ZCWPW2: variants seen among roughly 807,000 people sequenced by gnomAD.
ZCWPW2 encodes the protein zinc finger CW-type PWWP domain protein 2.
A neutral mutation model predicts 46.6 loss-of-function variants in ZCWPW2; 45 were observed. The observed-to-expected ratio is 0.96, with a 90% CI of 0.76 to 1.24. The LOEUF (loss-of-function observed/expected upper bound fraction) is 1.24. ZCWPW2 is among the 50% of genes most tolerant of loss of function. The probability of loss-of-function intolerance (pLI) is 0.00; values close to 1 mark genes in which losing one functional copy is unlikely to be tolerated. For missense variants in ZCWPW2, 429 were observed against 403.9 expected, an observed-to-expected ratio of 1.06 and a Z score of -0.53; for synonymous variants, 152 against 137.1, an observed-to-expected ratio of 1.11 and a Z score of -0.76.
rs147550721 is a variant in ZCWPW2, at chr3:28,432,861, A to G, written c.333-2249A>G. Among the ~76,000 whole-genome samples the G allele has an allele frequency of 3.8e-3, 585 of 152,298 alleles. 1 individual carries two copies. The highest frequency in any genetic ancestry group is 0.01 in the Middle Eastern group (3 of 294). On this transcript the variant is annotated intron_variant, in intron 3 of 9. Coordinates refer to ENST00000383768, the MANE Select transcript of ZCWPW2 (RefSeq NM_001040432.4). ...ATATTACTGAGACGAACTCATCTGT[A>G]TCTTTTTCAGTTTTATTTCACTGAA...
chr3:28,500,343 T>C (rs939767950), intron 6 of ZCWPW2, among the ~76,000 whole-genome samples: 1 of 152,120 alleles, frequency 6.6e-6, no homozygotes, highest in Non-Finnish European at 1.5e-5. Context: ...ATAGTTTGGT[T>C]CTCTATCCAT....
At chr3:28,453,572 A>G (rs1698307315) in intron 4 of ZCWPW2, among the ~76,000 whole-genome samples, 1 of 152,168 alleles carries the variant, frequency 6.6e-6, no homozygotes, top group Non-Finnish European at 1.5e-5. Flanking sequence ...GTTAAAGAAA[A>G]AAAACATGAA....
rs527649671 is a variant in ZCWPW2, at chr3:28,356,329, A to G, written c.-134+7126A>G. ...ACCATCTCACACCAGTTAGAATGGCAGTCATTAAATAAAGTCAGGAAACAG... is the reference window on the plus strand; with the variant it reads ...ACCATCTCACACCAGTTAGAATGGCGGTCATTAAATAAAGTCAGGAAACAG... On this transcript the variant is annotated intron_variant, in intron 1 of 9. Coordinates refer to ENST00000383768, the MANE Select transcript of ZCWPW2 (RefSeq NM_001040432.4). Among the ~76,000 whole-genome samples, 198 of 114,070 alleles carry G rather than the reference A, an allele frequency of 1.7e-3. 1 individual carries two copies. Among genetic ancestry groups the G allele is most frequent in the African/African-American group, 4.4e-3 (147 of 33,678 alleles). 74.8% of individuals were successfully genotyped at this position (114,070 alleles called of 152,430 possible). A position where few individuals can be genotyped will look rare whatever the true frequency, so the allele number is the denominator to read the frequency against.
intron 1 of ZCWPW2, among the ~76,000 whole-genome samples, chr3:28,371,002 G>C (rs1705315022): frequency 6.6e-6 from 1 of 152,054 alleles, no homozygotes; most frequent in Admixed American, 6.6e-5. Flanking sequence ...AAAGTGCTGT[G>C]ATTACAGGTG....
chr3:28,404,686 A>C (rs2125732319), intron 2 of ZCWPW2, among the ~76,000 whole-genome samples: 1 of 152,334 alleles, frequency 6.6e-6, no homozygotes, highest in African/African-American at 2.4e-5. Context: ...ATATAATGAA[A>C]TACTACTTAG....
intron 4 of ZCWPW2, among the ~76,000 whole-genome samples, chr3:28,459,368 T>C (rs1217758296): frequency 6.6e-6 from 1 of 150,842 alleles, no homozygotes; most frequent in African/African-American, 2.4e-5. Context: ...AGACTCTGTC[T>C]CCAAAGAAAA....
At chr3:28,438,553 G>T (rs575465830) in intron 4 of ZCWPW2, among the ~76,000 whole-genome samples, 1 of 152,268 alleles carries the variant, frequency 6.6e-6, no homozygotes, top group East Asian at 1.9e-4. Context: ...ACAGCAAATT[G>T]TGGGGAAGAT....
chr3:28,442,332 G>A lies in ZCWPW2; in HGVS notation c.492+7063G>A, dbSNP rs113749666. Among the ~76,000 whole-genome samples the A allele has an allele frequency of 4.9e-3, 739 of 152,282 alleles. 2 individuals are homozygous for A. The highest frequency in any genetic ancestry group is 7.5e-3 in the Non-Finnish European group (507 of 68,002). ...TCCTAGAAATTTTGCTGAGGTAGAA[G>A]TTCCCTGAATTTTAATTGGATTTAT... On this transcript the variant is annotated intron_variant, in intron 4 of 9. Transcript: ENST00000383768.
At chr3:28,522,652 G>T (rs892140168) in intron 9 of ZCWPW2, among the ~76,000 whole-genome samples, 4 of 152,038 alleles carry the variant, frequency 2.6e-5, no homozygotes, top group Non-Finnish European at 5.9e-5. Context: ...TAATATTAAC[G>T]TTAAGAACTC....
intron 1 of ZCWPW2, among the ~76,000 whole-genome samples, chr3:28,386,171 C>A (rs533037847): frequency 6.6e-6 from 1 of 152,034 alleles, no homozygotes; most frequent in African/African-American, 2.4e-5. Context: ...TAGGAATAAA[C>A]GCGTTCATAA....
intron 1 of ZCWPW2, among the ~76,000 whole-genome samples, chr3:28,383,005 G>A (rs1185167256): frequency 6.6e-6 from 1 of 152,092 alleles, no homozygotes; most frequent in Non-Finnish European, 1.5e-5. Context: ...TTTTGCCAAG[G>A]TTTTGATCAC....
chr3:28,446,982 T>C (rs1396625642), intron 4 of ZCWPW2, among the ~76,000 whole-genome samples: 7 of 152,088 alleles, frequency 4.6e-5, no homozygotes, highest in Admixed American at 3.9e-4. Flanking sequence ...ATAGAAAACC[T>C]GAGTAGACCT....
chr3:28,468,926 A>T (rs1264355934), intron 4 of ZCWPW2, among the ~76,000 whole-genome samples: 1 of 152,210 alleles, frequency 6.6e-6, no homozygotes, highest in African/African-American at 2.4e-5. Context: ...ACAGAATGTT[A>T]TAACACTGTT....
At chr3:28,518,549 T>A (rs978604547) in intron 8 of ZCWPW2, among the ~76,000 whole-genome samples, 2 of 152,242 alleles carry the variant, frequency 1.3e-5, no homozygotes, top group Non-Finnish European at 2.9e-5. Flanking sequence ...TAAACCCTAG[T>A]TGACTTATGA....
At chr3:28,466,747 C>A (rs1044675857) in intron 4 of ZCWPW2, among the ~76,000 whole-genome samples, 2 of 151,982 alleles carry the variant, frequency 1.3e-5, no homozygotes, top group African/African-American at 4.8e-5. Flanking sequence ...TGCAGTGAGC[C>A]GAGATTGCAC....
At chr3:28,430,247 G>A (rs1161686893) in intron 3 of ZCWPW2, among the ~76,000 whole-genome samples, 2 of 152,248 alleles carry the variant, frequency 1.3e-5, no homozygotes, top group Non-Finnish European at 2.9e-5. Flanking sequence ...TCTTGCATCA[G>A]CGTGACCTGG....
intron 2 of ZCWPW2, among the ~76,000 whole-genome samples, chr3:28,411,714 A>G (rs1696405953): frequency 6.6e-6 from 1 of 152,096 alleles, no homozygotes; most frequent in Non-Finnish European, 1.5e-5. Flanking sequence ...GAAAAAATTT[A>G]TTCACTTCAG....
In ZCWPW2 at chr3:28,473,369, G is replaced by A. The variant is rs534769009; in HGVS notation, c.493-5445G>A. Among the ~76,000 whole-genome samples, 3 of 152,222 alleles carry A rather than the reference G, an allele frequency of 2.0e-5. No homozygotes were observed. In the East Asian group the frequency reaches 5.8e-4, roughly 29 times the overall value. ...ACATGCCTGTAATCCCAGCTACTTG[G>A]GAGGCTGAGGCAGGAGAATTGCTTA... On this transcript the variant is annotated intron_variant, in intron 4 of 9. Transcript: ENST00000383768.
At chr3:28,495,934 C>G (rs1699978815) in intron 6 of ZCWPW2, among the ~76,000 whole-genome samples, 1 of 151,882 alleles carries the variant, frequency 6.6e-6, no homozygotes, top group East Asian at 1.9e-4. Context: ...AACAACTGTC[C>G]AACATTTGGG....
Sources: gnomAD v4.1 joint callset for allele counts (sites outside exome capture counted in the v4.1 genomes callset) on GRCh38, gnomAD v4.1.1 for gene constraint, MANE v1.5 for transcripts, NCBI Gene and HGNC (gene_info 2026-07-23, HGNC 2026-07-21) for gene names.